Variants in NEMP2 observed in about 807,000 individuals in gnomAD.
NEMP2 encodes nuclear envelope integral membrane protein 2.
NEMP2 carries 53 observed loss-of-function variants against 54.2 expected under a neutral mutation model. The observed-to-expected ratio is 0.98, with a 90% CI of 0.78 to 1.23. NEMP2 has a LOEUF of 1.23. Ranked by LOEUF, NEMP2 falls within the 50% of genes most tolerant of loss-of-function variation. The probability of loss-of-function intolerance (pLI) is 0.00; values close to 1 mark genes in which losing one functional copy is unlikely to be tolerated. For synonymous variants in NEMP2, 197 were observed against 190.3 expected (o/e 1.04, Z -0.29); for missense variants, 455 against 511.3 (o/e 0.89, Z 1.06).
the NEMP2 span, among the ~76,000 whole-genome samples, chr2:190,643,631 C>T: frequency 1.3e-5 from 2 of 152,302 alleles, no homozygotes; most frequent in Middle Eastern, 3.4e-3. Context: ...GTGCTACCAG[C>T]ACTTATTAGG....
At chr2:190,517,017 G>C (rs1353284755) in intron 5 of NEMP2, among the ~76,000 whole-genome samples, 1 of 150,310 alleles carries the variant, frequency 6.7e-6, no homozygotes, top group Non-Finnish European at 1.5e-5. Flanking sequence ...CTTGAACCCA[G>C]GAGGCAGAGG....
the NEMP2 span, among the ~76,000 whole-genome samples, chr2:190,602,632 T>C: frequency 1.3e-5 from 2 of 152,154 alleles, no homozygotes; most frequent in Non-Finnish European, 2.9e-5. Context: ...CCTCCCCATC[T>C]TTCCACTCTA....
intron 5 of NEMP2, 46 bp downstream of exon 5, chr2:190,517,474 A>C: frequency 3.0e-6 from 4 of 1,313,098 alleles, no homozygotes; most frequent in Non-Finnish European, 4.2e-6. Context: ...CATGTCTGTA[A>C]GATCATGATT....
chr2:190,546,194 C>G, the NEMP2 span, among the ~76,000 whole-genome samples: 1 of 152,120 alleles, frequency 6.6e-6, no homozygotes. The surrounding 1 kb of genome is among the most constrained non-coding windows in gnomAD (Gnocchi z 5.1). Flanking sequence ...CATCCATGGC[C>G]TTACTCAACC....
chr2:190,455,201 A>G, the NEMP2 span, among the ~76,000 whole-genome samples: 2 of 152,098 alleles, frequency 1.3e-5, no homozygotes, highest in African/African-American at 4.8e-5. Context: ...GACTAGTATC[A>G]TTGCTATTTT....
chr2:190,457,968 A>G, the NEMP2 span, among the ~76,000 whole-genome samples: 603 of 152,338 alleles, frequency 4.0e-3, 8 homozygotes, highest in Non-Finnish European at 2.6e-3. This position sits in a 1 kb window ranked among gnomAD's most constrained non-coding sequence, Gnocchi z 5.1. Flanking sequence ...AAATGAGTAA[A>G]TATGGTCAGA....
chr2:190,560,631 C>T, the NEMP2 span, among the ~76,000 whole-genome samples: 5 of 152,218 alleles, frequency 3.3e-5, no homozygotes, highest in African/African-American at 1.2e-4. The surrounding 1 kb of genome is among the most constrained non-coding windows in gnomAD (Gnocchi z 5.4). Flanking sequence ...TAGGTGATAC[C>T]TTCTTTTTTA....
the NEMP2 span, among the ~76,000 whole-genome samples, chr2:190,495,402 T>G: frequency 1.3e-5 from 2 of 152,170 alleles, no homozygotes; most frequent in Non-Finnish European, 2.9e-5. This position sits in a 1 kb window ranked among gnomAD's most constrained non-coding sequence, Gnocchi z 4.7. Flanking sequence ...AGAATCAATA[T>G]TGTGAAAATG....
Position 190,510,320 on chromosome 2 carries a change from T to C in NEMP2, c.1130+41A>G. ...ACCATCATATTATTTTTTAAATCAT[T>C]CTGAACTAAACTATGGTCCGAGCAG... On this transcript the variant is annotated intron_variant, in intron 8 of 8. Coordinates refer to ENST00000409150, the MANE Select transcript of NEMP2 (RefSeq NM_001142645.2). The surrounding 1 kb of genome is among the most constrained non-coding windows in gnomAD (Gnocchi z 5.7). The C allele has an allele frequency of 6.5e-7, 1 of 1,545,972 alleles. No homozygotes were observed. The highest frequency in any genetic ancestry group is 8.8e-7 in the Non-Finnish European group (1 of 1,142,584).
chr2:190,474,294 A>T, the NEMP2 span, among the ~76,000 whole-genome samples: 1 of 152,186 alleles, frequency 6.6e-6, no homozygotes, highest in African/African-American at 2.4e-5. Flanking sequence ...TTTTGAAAAG[A>T]TCAACAAAAT....
chr2:190,482,903 T>TTTTTTTTTTTTTTTTTTTTTTTTTTTTG, the NEMP2 span, among the ~76,000 whole-genome samples: 17 of 86,226 alleles, frequency 2.0e-4, 8 homozygotes, highest in East Asian at 8.2e-4. Flanking sequence ...TTTTTTTTTT[T>TTTTTTTTTTTTTTTTTTTTTTTTTTTTG]AGACGGAGTC....
At chr2:190,539,079 T>A (rs556673469), upstream of NEMP2, among the ~76,000 whole-genome samples, 11 of 152,344 alleles carry the variant, frequency 7.2e-5, 1 homozygote, top group South Asian at 2.3e-3. The surrounding 1 kb of genome is among the most constrained non-coding windows in gnomAD (Gnocchi z 4.1). Context: ...TTTCATAGTT[T>A]CAGGTCTTAG....
chr2:190,586,858 T>G, the NEMP2 span, among the ~76,000 whole-genome samples: 1 of 152,068 alleles, frequency 6.6e-6, no homozygotes, highest in Non-Finnish European at 1.5e-5. This position sits in a 1 kb window ranked among gnomAD's most constrained non-coding sequence, Gnocchi z 4.5. Flanking sequence ...CAATAGCGCT[T>G]GAATTTAATC....
the NEMP2 span, among the ~76,000 whole-genome samples, chr2:190,591,040 A>G: frequency 5.2e-4 from 79 of 152,282 alleles, 1 homozygote; most frequent in South Asian, 0.016. The surrounding 1 kb of genome is among the most constrained non-coding windows in gnomAD (Gnocchi z 5.4). Flanking sequence ...ACTTTGTGAC[A>G]TATGCTCTTA....
the NEMP2 span, among the ~76,000 whole-genome samples, chr2:190,431,201 G>A: frequency 6.6e-6 from 1 of 151,766 alleles, no homozygotes; most frequent in African/African-American, 2.4e-5. The surrounding 1 kb of genome is among the most constrained non-coding windows in gnomAD (Gnocchi z 4.4). Flanking sequence ...GCCGGGAAGA[G>A]GCGCTCCTCA....
At chr2:190,474,249 A>G in the NEMP2 span, among the ~76,000 whole-genome samples, 1 of 152,110 alleles carries the variant, frequency 6.6e-6, no homozygotes, top group African/African-American at 2.4e-5. Context: ...GACACAAAAA[A>G]CCCTTCAAAA....
chr2:190,514,752 G>A lies in NEMP2; in HGVS notation c.728-74C>T. The A allele has an allele frequency of 7.2e-7, 1 of 1,384,722 alleles. No individual in the cohort carries two copies. Among genetic ancestry groups the A allele is most frequent in the Non-Finnish European group, 9.9e-7 (1 of 1,005,948 alleles). 85.8% of individuals were successfully genotyped at this position (1,384,722 alleles called of 1,614,324 possible). A position where few individuals can be genotyped will look rare whatever the true frequency, so the allele number is the denominator to read the frequency against. On this transcript the variant is annotated intron_variant, in intron 6 of 8. Coordinates refer to ENST00000409150, the MANE Select transcript of NEMP2 (RefSeq NM_001142645.2). This position sits in a 1 kb window ranked among gnomAD's most constrained non-coding sequence, Gnocchi z 5.7. ...TATGTGAAAAACCTGGCAGAGCCTT[G>A]ACTTAAAGGTAAAAACTATTAGAGA...
At chr2:190,423,762 A>G in the NEMP2 span, among the ~76,000 whole-genome samples, 1 of 152,322 alleles carries the variant, frequency 6.6e-6, no homozygotes, top group African/African-American at 2.4e-5. The surrounding 1 kb of genome is among the most constrained non-coding windows in gnomAD (Gnocchi z 4.3). Flanking sequence ...CCCACAGTAT[A>G]TGAGTAATTT....
In NEMP2 at chr2:190,527,925, C is replaced by T. The variant is rs1691000244; in HGVS notation, c.98-2547G>A. ...TCCCAAAACCACCCCAACCCCACTC[C>T]TATCCTGTGGAAAAACTGTCTTCCA... On this transcript the variant is annotated intron_variant, in intron 1 of 8. Coordinates refer to ENST00000409150, the MANE Select transcript of NEMP2 (RefSeq NM_001142645.2). This position sits in a 1 kb window ranked among gnomAD's most constrained non-coding sequence, Gnocchi z 4.0. Among the ~76,000 whole-genome samples the T allele has an allele frequency of 6.6e-6, 1 of 152,194 alleles. No homozygotes were observed. The highest frequency in any genetic ancestry group is 2.4e-5 in the African/African-American group (1 of 41,440).
Sources: gnomAD v4.1 joint callset for allele counts (sites outside exome capture counted in the v4.1 genomes callset) on GRCh38, gnomAD v4.1.1 for gene constraint, Gnocchi (gnomAD v3.1) non-coding constraint, MANE v1.5 for transcripts, NCBI Gene and HGNC (gene_info 2026-07-23, HGNC 2026-07-21) for gene names.